The following CALN1 variants were observed in gnomAD, a reference collection of about 807,000 sequenced individuals.
CALN1 encodes the protein calcium-binding protein 8.
A neutral mutation model predicts 30.6 loss-of-function variants in CALN1; 17 were observed. The ratio of observed to expected loss-of-function variants is 0.56; its 90% confidence interval spans 0.38 to 0.83. The LOEUF (loss-of-function observed/expected upper bound fraction) is 0.83, where lower values mean the gene tolerates loss of function less well. Among genes scored for constraint, CALN1 ranks in the 40% least tolerant of loss-of-function variants. CALN1 has a pLI of 0.00. For missense variants in CALN1, 291 were observed against 354.9 expected, an observed-to-expected ratio of 0.82 and a Z score of 1.45; for synonymous variants, 156 against 131.4, an observed-to-expected ratio of 1.19 and a Z score of -1.28.
chr7:72,399,961 A>AT (rs1491404573), intron 2 of CALN1, among the ~76,000 whole-genome samples: 2 of 152,084 alleles, frequency 1.3e-5, no homozygotes, highest in Admixed American at 6.6e-5. Flanking sequence ...CTCTCTCTCC[A>AT]TATGACATGC....
intron 2 of CALN1, among the ~76,000 whole-genome samples, chr7:72,326,820 G>C (rs766015075): frequency 1.3e-5 from 2 of 152,136 alleles, no homozygotes; most frequent in Non-Finnish European, 2.9e-5. Context: ...TCTGGGGTGT[G>C]AAATGAACTC....
At chr7:71,814,871 T>A (rs915964197) in intron 5 of CALN1, among the ~76,000 whole-genome samples, 3 of 151,256 alleles carry the variant, frequency 2.0e-5, no homozygotes, top group African/African-American at 7.3e-5. Context: ...TCTCGCTCTG[T>A]CCCCCACCCT....
At chr7:71,963,645 T>C (rs1372125434) in intron 5 of CALN1, among the ~76,000 whole-genome samples, 1 of 152,178 alleles carries the variant, frequency 6.6e-6, no homozygotes, top group Non-Finnish European at 1.5e-5. Context: ...TCGTCTCTCC[T>C]TGGTCCCCAA....
At chr7:72,214,715 G>C (rs893939314) in intron 3 of CALN1, among the ~76,000 whole-genome samples, 2 of 151,990 alleles carry the variant, frequency 1.3e-5, no homozygotes, top group African/African-American at 4.8e-5. Flanking sequence ...AGGTGAGTGA[G>C]GGGTGCAGAA....
intron 1 of CALN1, among the ~76,000 whole-genome samples, chr7:72,445,263 G>A (rs751218477): frequency 1.6e-4 from 24 of 152,062 alleles, no homozygotes; most frequent in Non-Finnish European, 2.5e-4. Context: ...TGACCTTTGG[G>A]CCACCAGGCA....
chr7:71,912,523 G>A (rs1032792856), intron 5 of CALN1, among the ~76,000 whole-genome samples: 5 of 152,154 alleles, frequency 3.3e-5, no homozygotes, highest in African/African-American at 1.2e-4. Context: ...CAGAAATGTG[G>A]CTTGTAACTT....
intron 2 of CALN1, among the ~76,000 whole-genome samples, chr7:72,282,960 G>T (rs1562835683): frequency 6.6e-6 from 1 of 151,414 alleles, no homozygotes; most frequent in Non-Finnish European, 1.5e-5. Context: ...GGAGGCTGAG[G>T]CACAAGGATC....
At position 72,054,615 on chromosome 7, in the gene CALN1, A is replaced by G. The variant is rs547421770; in HGVS notation, c.389-30846T>C. Reference sequence around the variant, plus strand: ...ATGAGATCATGTCTTTTGCAGGAACATGAATGGAGCTGGAAGCTGTTATCC... The same window carrying G: ...ATGAGATCATGTCTTTTGCAGGAACGTGAATGGAGCTGGAAGCTGTTATCC... On this transcript the variant is annotated intron_variant, in intron 4 of 6. Transcript: ENST00000395275. Among the ~76,000 whole-genome samples, 85 of 150,684 alleles carry G rather than the reference A, an allele frequency of 5.6e-4. No individual in the cohort carries two copies. In the South Asian group the frequency reaches 0.018, roughly 31 times the overall value.
intron 4 of CALN1, among the ~76,000 whole-genome samples, chr7:72,075,025 G>A (rs1178545550): frequency 1.3e-5 from 2 of 152,218 alleles, no homozygotes; most frequent in African/African-American, 2.4e-5. Context: ...AGCTGATGGT[G>A]TCATTCCAGT....
intron 3 of CALN1, among the ~76,000 whole-genome samples, chr7:72,233,485 G>T (rs1794254718): frequency 6.6e-6 from 1 of 152,124 alleles, no homozygotes; most frequent in African/African-American, 2.4e-5. Context: ...GGAGGCCAAG[G>T]CAGGAGGATC....
intron 3 of CALN1, among the ~76,000 whole-genome samples, chr7:72,253,488 A>G (rs1159910165): frequency 2.0e-5 from 3 of 152,268 alleles, no homozygotes; most frequent in African/African-American, 7.2e-5. Flanking sequence ...AGGGGGCCTC[A>G]GAAAACTTAC....
At chr7:72,062,147 G>T (rs1409099737) in intron 4 of CALN1, among the ~76,000 whole-genome samples, 1 of 152,112 alleles carries the variant, frequency 6.6e-6, no homozygotes, top group African/African-American at 2.4e-5. Context: ...TTCCAATGAA[G>T]AAAAGTAAAG....
intron 5 of CALN1, among the ~76,000 whole-genome samples, chr7:71,956,679 A>C (rs1307395471): frequency 6.6e-6 from 1 of 151,570 alleles, no homozygotes; most frequent in Non-Finnish European, 1.5e-5. Context: ...AGCCAGGAGC[A>C]TTTACATTTT....
intron 3 of CALN1, among the ~76,000 whole-genome samples, chr7:72,271,575 A>ATATATAT (rs1554345806): frequency 1.9e-5 from 1 of 52,132 alleles, no homozygotes; most frequent in African/African-American, 1.3e-4. Flanking sequence ...AAAAAAAAAA[A>ATATATAT]ATATATATAT....
intron 4 of CALN1, among the ~76,000 whole-genome samples, chr7:72,043,953 T>C (rs1235376292): frequency 6.6e-6 from 1 of 152,158 alleles, no homozygotes; most frequent in Non-Finnish European, 1.5e-5. Flanking sequence ...AGGGCTTGTG[T>C]AGAGGAACAC....
chr7:72,404,561 A>C (rs1806573260), intron 1 of CALN1, among the ~76,000 whole-genome samples: 1 of 152,204 alleles, frequency 6.6e-6, no homozygotes, highest in African/African-American at 2.4e-5. Flanking sequence ...GAACGTCTAC[A>C]CATTGCAGCA....
At chr7:72,086,037 A>T (rs1361958369) in intron 4 of CALN1, among the ~76,000 whole-genome samples, 2 of 152,168 alleles carry the variant, frequency 1.3e-5, no homozygotes, top group Non-Finnish European at 2.9e-5. Context: ...AAAGTTAGAG[A>T]TCTCAAAGAT....
At chr7:72,380,929 G>C (rs924250355) in intron 2 of CALN1, among the ~76,000 whole-genome samples, 1 of 152,136 alleles carries the variant, frequency 6.6e-6, no homozygotes. Flanking sequence ...TTGTGAGACT[G>C]GGGCAGATCA....
Position 72,270,093 on chromosome 7 carries a change from G to A in CALN1, c.244+8593C>T, listed in dbSNP as rs558769028. Among the ~76,000 whole-genome samples, 17 of 148,116 alleles carry A rather than the reference G, an allele frequency of 1.1e-4. No homozygotes were observed. The South Asian group carries it at 1.5e-3, about 13-fold the overall frequency. On this transcript the variant is annotated intron_variant, in intron 3 of 6. Transcript: ENST00000395275. ...ATCTGAAAAAAATTTGGGTGTTTCCGTGTGTGTGTGTGTGTATGTATGTGT... is the reference window on the plus strand; with the variant it reads ...ATCTGAAAAAAATTTGGGTGTTTCCATGTGTGTGTGTGTGTATGTATGTGT...
Sources: allele counts gnomAD v4.1 joint callset (sites outside exome capture counted in the v4.1 genomes callset), GRCh38; gene constraint gnomAD v4.1.1; transcripts MANE v1.5; gene names NCBI Gene and HGNC (gene_info 2026-07-23, HGNC 2026-07-21).